FAM149A: variants seen among roughly 807,000 people sequenced by gnomAD.
FAM149A encodes protein FAM149A.
In FAM149A, 71 loss-of-function variants were observed where a neutral mutation model predicts 78.2. That is an observed-to-expected ratio of 0.91 (90% CI 0.75 to 1.11). The LOEUF (loss-of-function observed/expected upper bound fraction) is 1.11, where lower values mean the gene tolerates loss of function less well. Among genes scored for constraint, FAM149A ranks in the 50% least tolerant of loss-of-function variants. The pLI, the probability that FAM149A is intolerant of heterozygous loss-of-function variation, is 0.00. For missense variants in FAM149A, 1,036 were observed against 971.0 expected, an observed-to-expected ratio of 1.07 and a Z score of -0.89; for synonymous variants, 446 against 410.5, an observed-to-expected ratio of 1.09 and a Z score of -1.04.
chr4:186,130,281 C>A (rs1406470434), intron 1 of FAM149A: 3 of 39,416 alleles, frequency 7.6e-5, no homozygotes, highest in African/African-American at 4.1e-4. Context: ...CTCTCTCTCT[C>A]TCTCTCTCTC....
intron 1 of FAM149A, chr4:186,122,797 AT>A (rs2099316649): frequency 1.5e-6 from 1 of 649,290 alleles, no homozygotes; most frequent in African/African-American, 2.0e-5. Flanking sequence ...GAGGATGAAT[AT>A]CTAAATGATG....
Position 186,163,456 on chromosome 4 carries a change from G to A in FAM149A, c.1712G>A (p.Gly571Glu). 6.2e-7 allele frequency: 1 copy of A among 1,613,854 alleles called. No individual in the cohort carries two copies. The highest frequency in any genetic ancestry group is 8.5e-7 in the Non-Finnish European group (1 of 1,179,982). The change falls in exon 10 of 14, where the codon GGG (glycine) becomes GAG (glutamate). Residue 571 changes from glycine (G) to glutamate (E), a missense_variant. Physicochemically the swap from Gly to Glu is moderately conservative, Grantham distance 98. This residue lies in a region of FAM149A where 716 missense variants were observed against 711.8 expected (regional missense o/e 1.01). Coordinates refer to ENST00000389354, the MANE Select transcript of FAM149A (RefSeq NM_001367768.3). ...AAGGAGGACAAAGCATCGGGTGGAG[G>A]GGCAGGTGCTCTCTCCTCCGCACCG...
At chr4:186,125,681 T>G (rs1048354403) in intron 1 of FAM149A, 1 of 983,468 alleles carries the variant, frequency 1.0e-6, no homozygotes, top group Non-Finnish European at 1.2e-6. Context: ...GGCTGAAATA[T>G]GGGGCTTAAT....
intron 13 of FAM149A, among the ~76,000 whole-genome samples, chr4:186,168,990 G>A (rs1386881508): frequency 2.0e-5 from 3 of 152,148 alleles, no homozygotes; most frequent in Non-Finnish European, 2.9e-5. Context: ...GATGGCCAGC[G>A]GCGGGTGGTG....
At position 186,153,667 on chromosome 4, in the gene FAM149A, C is replaced by T. The variant is rs551131214; in HGVS notation, c.955C>T (p.Leu319=). The change falls in exon 5 of 14, where the codon CTG becomes TTG. Residue 319 remains leucine, a synonymous_variant. Transcript: ENST00000389354. ...CAGAGTATTAGGAAGACAGCTGATC[C>T]TGCCCACTGACAAAGGCGTCCAGCA... 10 of 1,614,158 alleles carry T rather than the reference C, an allele frequency of 6.2e-6. No homozygotes were observed. Among genetic ancestry groups the T allele is most frequent in the South Asian group, 1.1e-5 (1 of 91,082 alleles).
rs768345782 is a variant in FAM149A at position 186,162,920 on chromosome 4, A to G, written c.1651A>G (p.Arg551Gly). The G allele has an allele frequency of 8.7e-6, 14 of 1,608,906 alleles. No individual in the cohort carries two copies. The South Asian group carries it at 1.5e-4, about 18-fold the overall frequency. Reference sequence around the variant, plus strand: ...AATTCAAGCAAAACCGCTTCAGCGGAGACCTGCCTATTTTGCTGACAGAAC... The same window carrying G: ...AATTCAAGCAAAACCGCTTCAGCGGGGACCTGCCTATTTTGCTGACAGAAC... The change falls in exon 9 of 14, where the codon AGA becomes GGA. Residue 551 changes from arginine (R) to glycine (G), a missense_variant. By Grantham distance (125) the Arg-to-Gly change is moderately radical. Around this residue, in one of 3 missense-constraint regions of FAM149A, gnomAD observed 716 missense variants for 711.8 expected, o/e 1.01. Coordinates refer to ENST00000389354, the MANE Select transcript of FAM149A (RefSeq NM_001367768.3).
intron 1 of FAM149A, among the ~76,000 whole-genome samples, chr4:186,106,713 C>T (rs186808837): frequency 0.018 from 2,708 of 152,144 alleles, 81 homozygotes; most frequent in African/African-American, 0.062. Flanking sequence ...TTTGGGAGGC[C>T]GAGGCGGGCG....
chr4:186,123,327 A>G (rs959603607), intron 1 of FAM149A: 4 of 985,416 alleles, frequency 4.1e-6, no homozygotes, highest in African/African-American at 3.5e-5. Flanking sequence ...AGTCATTGCA[A>G]GTTTTCTTGT....
In FAM149A at chr4:186,163,506, ACT is replaced by A; in HGVS notation, c.1764_1765del (p.His589TrpfsTer32). ...GCACAGACTGGGACGGGCCTCAGAC[ACT>A]CATGGATTATCACCTTCTGCAAAGA... On this transcript the variant is annotated frameshift_variant, in exon 10 of 14. Coordinates refer to ENST00000389354, the MANE Select transcript of FAM149A (RefSeq NM_001367768.3). LOFTEE classifies it high-confidence loss of function. 1 of 1,614,018 alleles carries A rather than the reference ACT, an allele frequency of 6.2e-7. No individual in the cohort carries two copies. The highest frequency in any genetic ancestry group is 8.5e-7 in the Non-Finnish European group (1 of 1,179,982).
chr4:186,130,371 C>T (rs2099320283), intron 1 of FAM149A, among the ~76,000 whole-genome samples: 1 of 146,222 alleles, frequency 6.8e-6, no homozygotes. Flanking sequence ...AAGATTGTAA[C>T]AGTAATTGTG....
At chr4:186,160,648 CCCA>C (rs1045079718) in intron 8 of FAM149A, 1 of 231,502 alleles carries the variant, frequency 4.3e-6, no homozygotes, top group African/African-American at 2.4e-5. Context: ...ATGTACACAC[CCCA>C]CACCTACACA....
intron 1 of FAM149A, among the ~76,000 whole-genome samples, chr4:186,132,653 A>C (rs1406934235): frequency 6.6e-6 from 1 of 152,202 alleles, no homozygotes; most frequent in Non-Finnish European, 1.5e-5. Flanking sequence ...CACTTGTTCC[A>C]AGACAAAAGG....
chr4:186,167,061 C>G lies in FAM149A; in HGVS notation c.2104C>G (p.Arg702Gly). The G allele has an allele frequency of 6.2e-7, 1 of 1,614,110 alleles. No individual in the cohort carries two copies. The highest frequency in any genetic ancestry group is 1.1e-5 in the South Asian group (1 of 91,070). Reference sequence around the variant, plus strand: ...TCGAGAAAGAACAGCCACCCTGGAACGGTTGTCAAGGCCCAGCACAACCCA... The same window carrying G: ...TCGAGAAAGAACAGCCACCCTGGAAGGGTTGTCAAGGCCCAGCACAACCCA... Residue 702 changes from arginine to glycine, a missense_variant, in exon 12 of 14, where the codon CGG (arginine) becomes GGG (glycine). Coordinates refer to ENST00000389354, the MANE Select transcript of FAM149A (RefSeq NM_001367768.3).
intron 1 of FAM149A, among the ~76,000 whole-genome samples, chr4:186,135,160 A>T (rs145603027): frequency 3.3e-5 from 5 of 152,176 alleles, no homozygotes; most frequent in Admixed American, 1.3e-4. Context: ...TTTGAGAACC[A>T]CTGAATTCAA....
At chr4:186,142,652 G>A (rs1267458584) in intron 1 of FAM149A, among the ~76,000 whole-genome samples, 1 of 152,174 alleles carries the variant, frequency 6.6e-6, no homozygotes, top group Admixed American at 6.5e-5. Context: ...CGACTTCACT[G>A]GAGGGACCAC....
chr4:186,104,955 G>A lies in FAM149A; in HGVS notation c.-122G>A. On this transcript the variant is annotated 5_prime_UTR_variant, in exon 1 of 14. Transcript: ENST00000389354. The stretch of plus-strand genomic sequence containing the variant: ...TCCTCGGGGAGGAGAGGGAGCCAGG[G>A]GCCTCCGGGGCTCCGGGTGCGGGGA... The A allele has an allele frequency of 8.5e-7, 1 of 1,171,770 alleles. No individual in the cohort carries two copies. The highest frequency in any genetic ancestry group is 1.6e-5 in the South Asian group (1 of 63,310). The allele number at this position is 1,171,770 out of a possible 1,614,324, so 72.6% of individuals were successfully genotyped here. A position where few individuals can be genotyped will look rare whatever the true frequency, so the allele number is the denominator to read the frequency against.
chr4:186,161,811 C>T (rs1161073118), intron 8 of FAM149A, among the ~76,000 whole-genome samples: 1 of 152,230 alleles, frequency 6.6e-6, no homozygotes, highest in Non-Finnish European at 1.5e-5. Flanking sequence ...TATTCCTCTA[C>T]ATATGATTGT....
At chr4:186,118,804 C>T (rs368149772) in intron 1 of FAM149A, among the ~76,000 whole-genome samples, 2 of 152,188 alleles carry the variant, frequency 1.3e-5, no homozygotes, top group South Asian at 2.1e-4. Context: ...CTGCGGTCAT[C>T]GGATGCAGCC....
chr4:186,170,473 AC>A (rs1432603236), intron 13 of FAM149A, among the ~76,000 whole-genome samples: 1 of 152,248 alleles, frequency 6.6e-6, no homozygotes, highest in Non-Finnish European at 1.5e-5. Flanking sequence ...CATTTAAAAA[AC>A]AAAACAAGAC....
Sources: gnomAD v4.1 joint callset for allele counts (sites outside exome capture counted in the v4.1 genomes callset) on GRCh38, gnomAD v4.1.1 for gene constraint, gnomAD v4.1.1 regional missense constraint, MANE v1.5 for transcripts, NCBI Gene and HGNC (gene_info 2026-07-23, HGNC 2026-07-21) for gene names.